DNAH6: variants seen among roughly 807,000 people sequenced by gnomAD.
DNAH6 encodes axonemal beta dynein heavy chain 6.
DNAH6 carries 340 observed loss-of-function variants against 491.4 expected under a neutral mutation model. The ratio of observed to expected loss-of-function variants is 0.69; its 90% CI spans 0.63 to 0.76. The LOEUF (loss-of-function observed/expected upper bound fraction) is 0.76, where lower values mean the gene tolerates loss of function less well. DNAH6 is among the 30% of genes least tolerant of loss of function. The probability of loss-of-function intolerance (pLI) is 0.00; values close to 1 mark genes in which losing one functional copy is unlikely to be tolerated. For synonymous variants in DNAH6, 1,603 were observed against 1,686.1 expected (o/e 0.95, Z 1.21); for missense variants, 4,443 against 4,972.2 (o/e 0.89, Z 3.20).
intron 28 of DNAH6, 117 bp downstream of exon 28, chr2:84,624,737 A>T: frequency 7.7e-7 from 1 of 1,300,904 alleles, no homozygotes; most frequent in Non-Finnish European, 1.0e-6. Context: ...ACATCTTTGT[A>T]AAGCAAATAT....
At chr2:84,589,025 A>C (rs1683837897) in intron 16 of DNAH6, 71 bp downstream of exon 16, 1 of 1,341,918 alleles carries the variant, frequency 7.5e-7, no homozygotes, top group African/African-American at 1.5e-5. Context: ...CAAGGACTTC[A>C]ATAATGTAAC....
chr2:84,474,402 CAA>C, the DNAH6 span, among the ~76,000 whole-genome samples: 1 of 152,130 alleles, frequency 6.6e-6, no homozygotes, highest in Non-Finnish European at 1.5e-5. Context: ...GTTAGCGAAA[CAA>C]GAGGAATGGG....
chr2:84,493,244 A>C, the DNAH6 span, among the ~76,000 whole-genome samples: 3 of 152,156 alleles, frequency 2.0e-5, no homozygotes, highest in Non-Finnish European at 4.4e-5. Flanking sequence ...CAAATTCTGT[A>C]CCATAAATAT....
chr2:84,732,051 C>T (rs1221101079), intron 61 of DNAH6, among the ~76,000 whole-genome samples: 1 of 152,118 alleles, frequency 6.6e-6, no homozygotes, highest in African/African-American at 2.4e-5. Context: ...TAAGGCTGCA[C>T]CCCTTGAGGA....
At chr2:84,804,843 C>T (rs531968394) in intron 70 of DNAH6, among the ~76,000 whole-genome samples, 51 of 152,124 alleles carry the variant, frequency 3.4e-4, no homozygotes, top group Non-Finnish European at 4.9e-4. Flanking sequence ...TGAAATAGGG[C>T]CTCCCTCTGT....
intron 33 of DNAH6, among the ~76,000 whole-genome samples, chr2:84,647,955 T>C (rs1191437078): frequency 6.6e-6 from 1 of 152,248 alleles, no homozygotes; most frequent in African/African-American, 2.4e-5. Flanking sequence ...CAAGATTCAT[T>C]TGATGAATCT....
intron 33 of DNAH6, among the ~76,000 whole-genome samples, chr2:84,643,899 T>TG (rs201423503): frequency 2.2e-5 from 3 of 134,578 alleles, no homozygotes; most frequent in African/African-American, 7.6e-5. Flanking sequence ...TCAAATTGTG[T>TG]TTTTTTTTGT....
chr2:84,521,661 G>A (rs1676157810), intron 2 of DNAH6, among the ~76,000 whole-genome samples: 1 of 152,130 alleles, frequency 6.6e-6, no homozygotes, highest in Admixed American at 6.5e-5. Context: ...ATGGTGTAAG[G>A]AAAGGGTCCA....
Position 84,557,844 on chromosome 2 carries a change from A to G in DNAH6, c.1712A>G (p.Lys571Arg), listed in dbSNP as rs765033829. The change falls in exon 11 of 77, where the codon AAA becomes AGA. Residue 571 changes from lysine to arginine, a missense_variant. By Grantham distance (26) the Lys-to-Arg change is conservative (BLOSUM62 2). Coordinates refer to ENST00000389394, the MANE Select transcript of DNAH6 (RefSeq NM_001370.2). ...DAFTSPYINNKLEGKTCGTGP... is the reference protein window; with the variant it reads ...DAFTSPYINNRLEGKTCGTGP... ...TTCACCAGCCCTTATATTAACAACA[A>G]ACTTGAAGGAAAAACCTGTGGAACT... 1.5e-5 allele frequency: 24 copies of G among 1,613,116 alleles called. No homozygotes were observed. The Admixed American group carries it at 4.0e-4, about 27-fold the overall frequency.
chr2:84,587,124 A>C (rs1048707630), intron 15 of DNAH6, among the ~76,000 whole-genome samples: 4 of 152,120 alleles, frequency 2.6e-5, no homozygotes, highest in African/African-American at 9.7e-5. Flanking sequence ...ACCCTCAGGT[A>C]GGCCCCAGTG....
intron 37 of DNAH6, among the ~76,000 whole-genome samples, chr2:84,663,025 C>T (rs1315107871): frequency 6.6e-6 from 1 of 152,170 alleles, no homozygotes; most frequent in Non-Finnish European, 1.5e-5. Context: ...GGCTGAGGGT[C>T]CTGACTGTTA....
At chr2:84,800,787 A>G (rs184801887) in intron 70 of DNAH6, among the ~76,000 whole-genome samples, 48 of 152,304 alleles carry the variant, frequency 3.2e-4, no homozygotes, top group African/African-American at 1.1e-3. Flanking sequence ...ACCATTTATT[A>G]TCATTCCTTG....
chr2:84,526,392 C>G (rs2104435782), intron 3 of DNAH6, among the ~76,000 whole-genome samples: 1 of 152,214 alleles, frequency 6.6e-6, no homozygotes, highest in South Asian at 2.1e-4. Context: ...TAGACGTGCA[C>G]AGTTGAGGAC....
At chr2:84,623,891 C>G (rs574469883) in intron 26 of DNAH6, among the ~76,000 whole-genome samples, 1 of 152,304 alleles carries the variant, frequency 6.6e-6, no homozygotes, top group South Asian at 2.1e-4. Context: ...CCTTTAACCA[C>G]ATTTAATTTT....
chr2:84,740,083 A>G lies in DNAH6; in HGVS notation c.10343-4997A>G, dbSNP rs147494809. Among the ~76,000 whole-genome samples the G allele has an allele frequency of 2.4e-3, 356 of 150,066 alleles. 1 individual carries two copies. Among genetic ancestry groups the G allele is most frequent in the Non-Finnish European group, 4.5e-3 (305 of 67,698 alleles). On this transcript the variant is annotated intron_variant, in intron 62 of 76. Transcript: ENST00000389394. Reference sequence around the variant, plus strand: ...GTTTATTCGTTTTTCCCTTGGGGGTATGACTGTGATGTATATTGTGTATGA... The same window carrying G: ...GTTTATTCGTTTTTCCCTTGGGGGTGTGACTGTGATGTATATTGTGTATGA...
At chr2:84,775,737 G>C (rs1286145256) in intron 64 of DNAH6, among the ~76,000 whole-genome samples, 1 of 152,106 alleles carries the variant, frequency 6.6e-6, no homozygotes, top group Non-Finnish European at 1.5e-5. Context: ...AATCTTGGGA[G>C]TGTCTTGGGT....
chr2:84,618,101 G>A lies in DNAH6; in HGVS notation c.3572+1119G>A, dbSNP rs953032193. On this transcript the variant is annotated intron_variant, in intron 23 of 76. Transcript: ENST00000389394. ...TAGTTATATTACTTGGGAAAGATTT[G>A]GTCAAAAACACAGAAGCCACTCTAA... 3.3e-5 allele frequency among the ~76,000 whole-genome samples: 5 copies of A among 152,024 alleles called. No homozygotes were observed. In the East Asian group the frequency reaches 9.7e-4, roughly 29 times the overall value.
rs1175682224 is a variant in DNAH6 at position 84,704,313 on chromosome 2, CAG to C, written c.8465+14_8465+15del. 1 of 1,531,758 alleles carries C rather than the reference CAG, an allele frequency of 6.5e-7. No individual in the cohort carries two copies. 94.9% of individuals were successfully genotyped at this position (1,531,758 alleles called of 1,614,324 possible). On this transcript the variant is annotated intron_variant, in intron 51 of 76. Transcript: ENST00000389394. ...TCTTTTGAATGCCAAGTGAGTAATT[CAG>C]AGTCATGTATTGCCATGATACCTGG...
Position 84,815,906 on chromosome 2 carries a change from G to A in DNAH6, c.12196G>A (p.Asp4066Asn). The change falls in exon 76 of 77, where the codon GAT (aspartate) becomes AAT (asparagine). Residue 4066 changes from aspartate to asparagine, a missense_variant. Asp to Asn is a conservative substitution (Grantham distance 23). Coordinates refer to ENST00000389394, the MANE Select transcript of DNAH6 (RefSeq NM_001370.2). ...TGTTCTTGTTCATGGGATGTTCATGGATGCTTCTCGATGGGATGATAAGGA... is the reference window on the plus strand; with the variant it reads ...TGTTCTTGTTCATGGGATGTTCATGAATGCTTCTCGATGGGATGATAAGGA... ...DGVLVHGMFM[D>N]ASRWDDKEMV... The A allele has an allele frequency of 6.4e-7, 1 of 1,551,750 alleles. No homozygotes were observed. Among genetic ancestry groups the A allele is most frequent in the Non-Finnish European group, 8.7e-7 (1 of 1,146,998 alleles).
Sources: allele counts gnomAD v4.1 joint callset (sites outside exome capture counted in the v4.1 genomes callset), GRCh38; gene constraint gnomAD v4.1.1; transcripts MANE v1.5; gene names NCBI Gene and HGNC (gene_info 2026-07-23, HGNC 2026-07-21).